RNLS: variants seen among roughly 807,000 people sequenced by gnomAD.
The protein encoded by RNLS is renalase.
A neutral mutation model predicts 39.8 loss-of-function variants in RNLS; 39 were observed. That is an observed-to-expected ratio of 0.98 (90% CI 0.76 to 1.28). RNLS has a LOEUF of 1.28. Ranked by LOEUF, RNLS falls within the 50% of genes most tolerant of loss-of-function variation. RNLS has a pLI of 0.00. For missense variants in RNLS, 410 were observed against 413.3 expected (o/e 0.99, Z 0.07); for synonymous variants, 147 against 150.7 (o/e 0.98, Z 0.18).
intron 4 of RNLS, among the ~76,000 whole-genome samples, chr10:88,495,364 G>T (rs1450875799): frequency 6.6e-6 from 1 of 152,050 alleles, no homozygotes; most frequent in Non-Finnish European, 1.5e-5. Context: ...AGAGGGAGGG[G>T]GGATCATTAG....
the RNLS span, among the ~76,000 whole-genome samples, chr10:88,172,815 C>T: frequency 7.4e-4 from 74 of 99,360 alleles, no homozygotes; most frequent in African/African-American, 2.8e-3. Context: ...TGGGGTCTTA[C>T]ATTTAAACTT....
chr10:88,426,171 G>T (rs1854742455), intron 4 of RNLS, among the ~76,000 whole-genome samples: 1 of 151,954 alleles, frequency 6.6e-6, no homozygotes, highest in African/African-American at 2.4e-5. Context: ...TTGTACTCAA[G>T]AAGATCACAG....
intron 4 of RNLS, among the ~76,000 whole-genome samples, chr10:88,380,621 T>A (rs1851401698): frequency 1.3e-5 from 2 of 151,938 alleles, no homozygotes; most frequent in Non-Finnish European, 1.5e-5. Context: ...CCTGACCTCG[T>A]GATCCGCCAG....
chr10:88,231,942 C>CTGTGTGTGTGTGTGTGTGTG, the RNLS span, among the ~76,000 whole-genome samples: 5,408 of 149,672 alleles, frequency 0.036, 146 homozygotes, highest in Admixed American at 0.077. Flanking sequence ...CACAGGATTT[C>CTGTGTGTGTGTGTGTGTGTG]TGTGTGTGTG....
At position 88,431,454 on chromosome 10, in the gene RNLS, TTC is replaced by T. The variant is rs980071907; in HGVS notation, c.527-68731_527-68730del. Reference sequence around the variant, plus strand: ...GGTTTCACTTGTTTTTCTATTGTTTTTCTGTTTCCTATTTCATTAATTTCCAC... The same window carrying T: ...GGTTTCACTTGTTTTTCTATTGTTTTTGTTTCCTATTTCATTAATTTCCAC... On this transcript the variant is annotated intron_variant, in intron 4 of 6. Coordinates refer to ENST00000331772, the MANE Select transcript of RNLS (RefSeq NM_001031709.3). Among the ~76,000 whole-genome samples, 76 of 151,876 alleles carry T rather than the reference TTC, an allele frequency of 5.0e-4. 1 individual carries two copies. Among genetic ancestry groups the T allele is most frequent in the Admixed American group, 1.8e-3 (28 of 15,220 alleles).
intron 4 of RNLS, among the ~76,000 whole-genome samples, chr10:88,525,710 A>C (rs1315614813): frequency 6.6e-6 from 1 of 152,166 alleles, no homozygotes; most frequent in Non-Finnish European, 1.5e-5. Flanking sequence ...ACAAAGGAGA[A>C]TAATTCAGGT....
chr10:88,247,842 T>A, the RNLS span, among the ~76,000 whole-genome samples: 1 of 152,058 alleles, frequency 6.6e-6, no homozygotes, highest in African/African-American at 2.4e-5. Context: ...TTCAGAGTGA[T>A]GAGATATGAG....
chr10:88,291,507 A>G (rs929917753), intron 6 of RNLS, among the ~76,000 whole-genome samples: 1 of 152,188 alleles, frequency 6.6e-6, no homozygotes, highest in African/African-American at 2.4e-5. Flanking sequence ...CTCCTGACAG[A>G]CATCACTAAT....
At chr10:88,341,109 C>T (rs1481366572) in intron 5 of RNLS, among the ~76,000 whole-genome samples, 4 of 145,848 alleles carry the variant, frequency 2.7e-5, no homozygotes, top group Non-Finnish European at 3.0e-5. Flanking sequence ...GCGGGCGGAT[C>T]ACCTGAGGTC....
At chr10:88,549,458 C>T (rs1469144018) in intron 4 of RNLS, among the ~76,000 whole-genome samples, 1 of 151,742 alleles carries the variant, frequency 6.6e-6, no homozygotes, top group African/African-American at 2.4e-5. Context: ...CCCAGCTACT[C>T]GGGAGGCTGA....
chr10:88,373,406 T>C (rs1045923692), intron 4 of RNLS, among the ~76,000 whole-genome samples: 4 of 152,032 alleles, frequency 2.6e-5, no homozygotes, highest in Non-Finnish European at 5.9e-5. Context: ...ATAACAACTC[T>C]TCACAAAGCT....
chr10:88,253,581 C>T, the RNLS span, among the ~76,000 whole-genome samples: 716 of 152,212 alleles, frequency 4.7e-3, 3 homozygotes, highest in South Asian at 0.033. Flanking sequence ...CATGTGGTGC[C>T]CTTTCACAAT....
chr10:88,542,836 T>C (rs527339117), intron 4 of RNLS, among the ~76,000 whole-genome samples: 1 of 152,218 alleles, frequency 6.6e-6, no homozygotes, highest in East Asian at 1.9e-4. Flanking sequence ...AGAAATAAGA[T>C]AAGCAGCATC....
At chr10:88,433,953 G>A (rs552598661) in intron 4 of RNLS, among the ~76,000 whole-genome samples, 16 of 152,230 alleles carry the variant, frequency 1.1e-4, no homozygotes, top group African/African-American at 3.9e-4. Flanking sequence ...CAATGTTGTT[G>A]CTTAAGAGAA....
chr10:88,418,842 A>C (rs71477189), intron 4 of RNLS, among the ~76,000 whole-genome samples: 332 of 152,320 alleles, frequency 2.2e-3, no homozygotes, highest in Non-Finnish European at 3.8e-3. Flanking sequence ...GGTATGGAGA[A>C]CCTAGGAGTT....
chr10:88,426,203 G>A (rs1032522884), intron 4 of RNLS, among the ~76,000 whole-genome samples: 1 of 152,022 alleles, frequency 6.6e-6, no homozygotes, highest in East Asian at 1.9e-4. Flanking sequence ...ACACAGAGAA[G>A]TACACAAGAA....
In RNLS at chr10:88,285,268, T is replaced by G; in HGVS notation, c.*86A>C. ...AGAACAATTTTCCAGTAATTTTTCT[T>G]AGCAAAATAGAAAACAAAATAATCA... On this transcript the variant is annotated 3_prime_UTR_variant, in exon 7 of 7. Coordinates refer to ENST00000331772, the MANE Select transcript of RNLS (RefSeq NM_001031709.3). 7.1e-7 allele frequency: 1 copy of G among 1,416,570 alleles called. No individual in the cohort carries two copies. 87.8% of individuals were successfully genotyped at this position (1,416,570 alleles called of 1,614,324 possible). A position where few individuals can be genotyped will look rare whatever the true frequency, so the allele number is the denominator to read the frequency against.
At chr10:88,429,439 T>C (rs1219034072) in intron 4 of RNLS, among the ~76,000 whole-genome samples, 1 of 151,960 alleles carries the variant, frequency 6.6e-6, no homozygotes, top group Non-Finnish European at 1.5e-5. Context: ...AACAGGAATG[T>C]TGAATAAATT....
chr10:88,471,551 G>A lies in RNLS; in HGVS notation c.526+101352C>T, dbSNP rs548564623. ...AGAGTACTGTAAGGCGAAAAGAGAG[G>A]GCCATTCTGTGGAGAGGTGTCACGA... On this transcript the variant is annotated intron_variant, in intron 4 of 6. Coordinates refer to ENST00000331772, the MANE Select transcript of RNLS (RefSeq NM_001031709.3). Among the ~76,000 whole-genome samples, 11 of 152,228 alleles carry A rather than the reference G, an allele frequency of 7.2e-5. No individual in the cohort carries two copies. In the East Asian group the frequency reaches 2.1e-3, roughly 29 times the overall value.
Sources: allele counts gnomAD v4.1 joint callset (sites outside exome capture counted in the v4.1 genomes callset), GRCh38; gene constraint gnomAD v4.1.1; transcripts MANE v1.5; gene names NCBI Gene and HGNC (gene_info 2026-07-23, HGNC 2026-07-21).